The following FN3K variants were observed in gnomAD, a reference collection of about 807,000 sequenced individuals.
The protein encoded by FN3K is fructosamine-3-kinase.
In FN3K, 24 loss-of-function variants were observed where a neutral mutation model predicts 24.8. That is an observed-to-expected ratio of 0.97 (90% confidence interval 0.70 to 1.36). The LOEUF (loss-of-function observed/expected upper bound fraction) is 1.36, where lower values mean the gene tolerates loss of function less well. Ranked by LOEUF, FN3K falls within the 40% of genes most tolerant of loss-of-function variation. The pLI is 0.00. For missense variants in FN3K, 449 were observed against 416.7 expected (o/e 1.08, Z -0.67); for synonymous variants, 192 against 175.2 (o/e 1.10, Z -0.76).
intron 2 of FN3K, among the ~76,000 whole-genome samples, chr17:82,739,101 C>T (rs1396286950): frequency 6.6e-6 from 1 of 150,844 alleles, no homozygotes; most frequent in Non-Finnish European, 1.5e-5. Flanking sequence ...GTGTCCACCA[C>T]CACACCTGAC....
Position 82,750,788 on chromosome 17 carries a change from CCCGTCTCCGTCT to C in FN3K, c.*36_*47del, listed in dbSNP as rs754432098. ...TGCCCTCCCTTCCCCTGTCCCCGTC[CCCGTCTCCGTCT>C]CCCCGTCCCTGTCCCCCCGTCCCCC... is the stretch of plus-strand genomic sequence containing the variant. On this transcript the variant is annotated 3_prime_UTR_variant, in exon 6 of 6. Coordinates refer to ENST00000300784, the MANE Select transcript of FN3K (RefSeq NM_022158.4). 3.2e-6 allele frequency: 5 copies of C among 1,560,368 alleles called. No homozygotes were observed. The East Asian group carries it at 1.1e-4, about 35-fold the overall frequency.
chr17:82,748,515 T>C (rs1598343737), intron 4 of FN3K, among the ~76,000 whole-genome samples: 1 of 145,764 alleles, frequency 6.9e-6, no homozygotes, highest in Admixed American at 6.8e-5. Flanking sequence ...TTTTTTTTTT[T>C]AGTAGATAAT....
chr17:82,746,388 GTTTTTT>G (rs934490062), intron 4 of FN3K, among the ~76,000 whole-genome samples: 1 of 148,984 alleles, frequency 6.7e-6, no homozygotes, highest in Non-Finnish European at 1.5e-5. Flanking sequence ...TGTGAATAGG[GTTTTTT>G]TTTTATTATT....
intron 4 of FN3K, among the ~76,000 whole-genome samples, chr17:82,744,426 G>A (rs2046956989): frequency 6.6e-6 from 1 of 152,120 alleles, no homozygotes; most frequent in Admixed American, 6.5e-5. Context: ...GCCCTTCCCT[G>A]CCCCTGGGCA....
intron 4 of FN3K, chr17:82,745,605 C>T (rs2459704): frequency 0.47 from 71,170 of 152,038 alleles, 16,998 homozygotes; most frequent in East Asian, 0.58. Flanking sequence ...TTCCCCTGTA[C>T]GGATCTAACA....
chr17:82,744,732 G>C (rs1421781566), intron 4 of FN3K, among the ~76,000 whole-genome samples: 1 of 152,216 alleles, frequency 6.6e-6, no homozygotes, highest in Non-Finnish European at 1.5e-5. Context: ...TTCTCCGAGA[G>C]GGGGATGTGT....
intron 4 of FN3K, among the ~76,000 whole-genome samples, chr17:82,742,346 A>G (rs1375501575): frequency 6.6e-6 from 1 of 152,044 alleles, no homozygotes; most frequent in Non-Finnish European, 1.5e-5. Context: ...TGGCCAGAAC[A>G]TTTTCATTAT....
intron 2 of FN3K, 137 bp from the exon 3 acceptor site, chr17:82,740,626 G>T (rs903112537): frequency 1.5e-6 from 1 of 653,562 alleles, no homozygotes; most frequent in African/African-American, 1.8e-5. Context: ...AAGAGTCATT[G>T]CCTGGTGTTC....
At position 82,750,856 on chromosome 17, in the gene FN3K, T is replaced by G; in HGVS notation, c.*101T>G. ...TGTGCCCCCGTCCCTGTCCCCCTGTTCCCGTCTCCCCGTCCCTCCGTCTCC... is the reference window on the plus strand; with the variant it reads ...TGTGCCCCCGTCCCTGTCCCCCTGTGCCCGTCTCCCCGTCCCTCCGTCTCC... On this transcript the variant is annotated 3_prime_UTR_variant, in exon 6 of 6. Transcript: ENST00000300784. 4.4e-6 allele frequency: 3 copies of G among 685,784 alleles called. No homozygotes were observed. The highest frequency in any genetic ancestry group is 6.5e-6 in the Non-Finnish European group (3 of 459,946). The allele number at this position is 685,784 out of a possible 1,614,324, so 42.5% of individuals were successfully genotyped here.
In FN3K at chr17:82,750,913, T is replaced by TA. The variant is rs1568073672; in HGVS notation, c.*158_*159insA. ...CCGTCCCCCCATCCTCCTGTCCCCG[T>TA]CCCCCCGTCCCCGTCCCTCCATCCC... On this transcript the variant is annotated 3_prime_UTR_variant, in exon 6 of 6. Transcript: ENST00000300784. The TA allele has an allele frequency of 7.4e-5, 25 of 337,654 alleles. No individual in the cohort carries two copies. The highest frequency in any genetic ancestry group is 1.1e-4 in the Non-Finnish European group (22 of 192,132). The allele number at this position is 337,654 out of a possible 1,614,324, so 20.9% of individuals were successfully genotyped here. A position where few individuals can be genotyped will look rare whatever the true frequency, so the allele number is the denominator to read the frequency against.
At position 82,750,674 on chromosome 17, in the gene FN3K, T is replaced by C; in HGVS notation, c.849T>C (p.Phe283=). 1 of 1,613,892 alleles carries C rather than the reference T, an allele frequency of 6.2e-7. No homozygotes were observed. Among genetic ancestry groups the C allele is most frequent in the Non-Finnish European group, 8.5e-7 (1 of 1,179,990 alleles). The change falls in exon 6 of 6, where the codon TTT becomes TTC. Residue 283 remains phenylalanine (F), a synonymous_variant. Transcript: ENST00000300784. ...FDQRLLLYQL[F]NYLNHWNHFG... is the part of the protein sequence containing the mutation. Reference sequence around the variant, plus strand: ...AGCGGCTGCTGCTCTACCAGCTGTTTAACTACCTGAACCACTGGAACCACT... The same window carrying C: ...AGCGGCTGCTGCTCTACCAGCTGTTCAACTACCTGAACCACTGGAACCACT...
intron 2 of FN3K, among the ~76,000 whole-genome samples, chr17:82,740,035 C>G (rs963982233): frequency 1.3e-5 from 2 of 152,006 alleles, no homozygotes; most frequent in Non-Finnish European, 2.9e-5. Context: ...TGCAGAGTAG[C>G]TGGGACTACA....
At chr17:82,739,664 A>G (rs1314692997) in intron 2 of FN3K, among the ~76,000 whole-genome samples, 2 of 151,698 alleles carry the variant, frequency 1.3e-5, no homozygotes, top group Non-Finnish European at 2.9e-5. Flanking sequence ...TCACCATGTT[A>G]GCCAGGATGG....
chr17:82,742,052 C>T (rs1359532091), intron 4 of FN3K, among the ~76,000 whole-genome samples: 1 of 152,130 alleles, frequency 6.6e-6, no homozygotes, highest in Non-Finnish European at 1.5e-5. Context: ...GGATTACAGG[C>T]ATGCACCACC....
chr17:82,739,779 A>G, intron 2 of FN3K, among the ~76,000 whole-genome samples: 1 of 151,994 alleles, frequency 6.6e-6, no homozygotes. Context: ...TTTTAGTAGC[A>G]TGTTAGCCAG....
chr17:82,735,850 G>C, intron 1 of FN3K, 73 bp downstream of exon 1: 1 of 1,516,558 alleles, frequency 6.6e-7, no homozygotes, highest in African/African-American at 1.4e-5. Flanking sequence ...GTCGGGGGCA[G>C]GCGCATTTCC....
intron 5 of FN3K, among the ~76,000 whole-genome samples, chr17:82,750,109 GAAATA>G (rs2046993861): frequency 6.7e-6 from 1 of 148,758 alleles, no homozygotes; most frequent in Non-Finnish European, 1.5e-5. Context: ...TATGTGTAGC[GAAATA>G]AAAGTGGCCA....
intron 4 of FN3K, among the ~76,000 whole-genome samples, chr17:82,746,599 G>A (rs1446930810): frequency 2.0e-5 from 3 of 151,932 alleles, no homozygotes; most frequent in Non-Finnish European, 2.9e-5. Flanking sequence ...TCAGGAGTTC[G>A]AGACCAGCCT....
chr17:82,740,078 T>A (rs1322218303), intron 2 of FN3K, among the ~76,000 whole-genome samples: 4 of 151,876 alleles, frequency 2.6e-5, no homozygotes, highest in Admixed American at 6.6e-5. Context: ...ATTTTTTGTA[T>A]TTTTAGTAGA....
Sources: allele counts gnomAD v4.1 joint callset (sites outside exome capture counted in the v4.1 genomes callset), GRCh38; gene constraint gnomAD v4.1.1; transcripts MANE v1.5; gene names NCBI Gene and HGNC (gene_info 2026-07-23, HGNC 2026-07-21).